Variants in HTT observed in about 807,000 individuals in gnomAD.
HTT encodes huntingtin.
HTT carries 104 observed loss-of-function variants against 362.3 expected under a neutral mutation model. That is an observed-to-expected ratio of 0.29 (90% CI 0.24 to 0.34). The LOEUF (loss-of-function observed/expected upper bound fraction) is 0.34, where lower values mean the gene tolerates loss of function less well. HTT is among the 10% of genes least tolerant of loss of function. The pLI, the probability that HTT is intolerant of heterozygous loss-of-function variation, is 1.00. For missense variants in HTT, 3,301 were observed against 3,928.6 expected, an observed-to-expected ratio of 0.84 and a Z score of 4.27; for synonymous variants, 1,577 against 1,548.7, an observed-to-expected ratio of 1.02 and a Z score of -0.43.
rs762886284 is a variant in HTT, at chr4:3,238,511, G to A, written c.8956G>A (p.Asp2986Asn). 3.7e-6 allele frequency: 6 copies of A among 1,613,366 alleles called. No homozygotes were observed. Among genetic ancestry groups the A allele is most frequent in the Non-Finnish European group, 4.2e-6 (5 of 1,179,658 alleles). Reference sequence around the variant, plus strand: ...CAGGATCCTGCCCCAGTTTCTAGACGACTTCTTCCCACCCCAGGACATCAT... The same window carrying A: ...CAGGATCCTGCCCCAGTTTCTAGACAACTTCTTCCCACCCCAGGACATCAT... Reference protein sequence around the residue: ...VARILPQFLDDFFPPQDIMNK... With the variant: ...VARILPQFLDNFFPPQDIMNK... The change falls in exon 65 of 67, where the codon GAC becomes AAC. Residue 2986 changes from aspartate to asparagine, a missense_variant. This residue lies in a region of HTT where 753 missense variants were observed against 1,021.3 expected (regional missense o/e 0.74). Coordinates refer to ENST00000355072, the MANE Select transcript of HTT (RefSeq NM_001388492.1).
intron 3 of HTT, 29 bp downstream of exon 3, chr4:3,099,423 C>G (rs758001585): frequency 1.2e-6 from 2 of 1,612,290 alleles, no homozygotes; most frequent in Non-Finnish European, 1.7e-6. Flanking sequence ...ATGTTCTCCT[C>G]AGAGCTATCA....
At chr4:3,154,967 G>A (rs1717070264) in intron 27 of HTT, among the ~76,000 whole-genome samples, 1 of 152,090 alleles carries the variant, frequency 6.6e-6, no homozygotes, top group Non-Finnish European at 1.5e-5. Flanking sequence ...CTAGGATTTA[G>A]GTGTGACTGC....
At chr4:3,225,591 G>A in intron 56 of HTT, 70 bp from the exon 57 acceptor site, 1 of 1,391,224 alleles carries the variant, frequency 7.2e-7, no homozygotes, top group Non-Finnish European at 1.0e-6. Flanking sequence ...CAGGAGCTGG[G>A]CTGGTATGGG....
chr4:3,215,197 A>T lies in HTT; in HGVS notation c.7040A>T (p.Asp2347Val), dbSNP rs778966552. Residue 2347 changes from aspartate (D) to valine (V), a missense_variant, in exon 51 of 67, where the codon GAT becomes GTT. Around this residue, in one of 4 missense-constraint regions of HTT, gnomAD observed 220 missense variants for 218.5 expected, o/e 1.01. Transcript: ENST00000355072. ...KAISEEEEEVDPNTQNPKYIT... is the reference protein window; with the variant it reads ...KAISEEEEEVVPNTQNPKYIT... ...ATCAGCGAGGAGGAGGAGGAAGTAGATCCAAACACACAGAGTAAGTCTCAG... is the reference window on the plus strand; with the variant it reads ...ATCAGCGAGGAGGAGGAGGAAGTAGTTCCAAACACACAGAGTAAGTCTCAG... 28 of 1,613,268 alleles carry T rather than the reference A, an allele frequency of 1.7e-5. No individual in the cohort carries two copies. In the South Asian group the frequency reaches 2.9e-4, roughly 16 times the overall value.
At chr4:3,163,162 T>C (rs1404286122) in intron 29 of HTT, among the ~76,000 whole-genome samples, 1 of 152,250 alleles carries the variant, frequency 6.6e-6, no homozygotes, top group East Asian at 1.9e-4. Flanking sequence ...TCAAAGGCCT[T>C]TTCTGCATCT....
intron 29 of HTT, 110 bp downstream of exon 29, chr4:3,160,502 A>T (rs1717387432): frequency 6.8e-6 from 5 of 736,036 alleles, no homozygotes; most frequent in Admixed American, 2.1e-5. Flanking sequence ...CCTCCGGGAG[A>T]CTCCTCCCTG....
chr4:3,096,514 A>G (rs1489878577), intron 2 of HTT, among the ~76,000 whole-genome samples: 1 of 152,228 alleles, frequency 6.6e-6, no homozygotes, highest in Non-Finnish European at 1.5e-5. Flanking sequence ...TATTCAGAGT[A>G]TGTTTTCTGA....
intron 57 of HTT, 58 bp downstream of exon 57, chr4:3,225,801 G>T (rs903659190): frequency 2.8e-5 from 36 of 1,273,938 alleles, no homozygotes; most frequent in Non-Finnish European, 3.6e-5. Flanking sequence ...AGACTTTGGC[G>T]CTTGACACAC....
intron 38 of HTT, among the ~76,000 whole-genome samples, chr4:3,187,016 G>C (rs779326014): frequency 6.6e-6 from 1 of 151,156 alleles, no homozygotes; most frequent in African/African-American, 2.4e-5. Context: ...CCACCACCAC[G>C]CCCGGCTAAT....
In HTT at chr4:3,131,390, A is replaced by G. The variant is rs1257672226; in HGVS notation, c.2091A>G (p.Gly697=). 2 of 1,608,982 alleles carry G rather than the reference A, an allele frequency of 1.2e-6. No individual in the cohort carries two copies. Among genetic ancestry groups the G allele is most frequent in the South Asian group, 1.1e-5 (1 of 90,920 alleles). ...CTGCTTCGTTTTTGCTAACAGGGGG[A>G]AAAAATGGTGAGTACAAAAGGGGAT... ...LLSASFLLTG[G]KNVLVPDRDV... The change falls in exon 15 of 67, where the codon GGA becomes GGG. Residue 697 remains glycine (G), a synonymous_variant. Transcript: ENST00000355072.
intron 4 of HTT, among the ~76,000 whole-genome samples, chr4:3,104,130 T>C (rs1331109326): frequency 6.6e-6 from 1 of 152,010 alleles, no homozygotes; most frequent in Non-Finnish European, 1.5e-5. Context: ...GACAGAGTCT[T>C]GCTTTCACCC....
At chr4:3,162,955 A>G (rs1578551318) in intron 29 of HTT, among the ~76,000 whole-genome samples, 1 of 152,188 alleles carries the variant, frequency 6.6e-6, no homozygotes, top group East Asian at 1.9e-4. Flanking sequence ...AGAACTTCCA[A>G]TACTATGTTG....
chr4:3,177,407 T>G lies in HTT; in HGVS notation c.4463+20T>G. The stretch of plus-strand genomic sequence containing the variant: ...GTTCAGGTAATAGCATTTTATTATT[T>G]TAGATTTTTTTCTTCTTCTTGTGTA... On this transcript the variant is annotated intron_variant, in intron 34 of 66. Coordinates refer to ENST00000355072, the MANE Select transcript of HTT (RefSeq NM_001388492.1). 1 of 1,516,520 alleles carries G rather than the reference T, an allele frequency of 6.6e-7. No homozygotes were observed. Among genetic ancestry groups the G allele is most frequent in the South Asian group, 1.2e-5 (1 of 80,758 alleles). 93.9% of individuals were successfully genotyped at this position (1,516,520 alleles called of 1,614,324 possible). A position where few individuals can be genotyped will look rare whatever the true frequency, so the allele number is the denominator to read the frequency against.
At chr4:3,237,085 C>A (rs1487808687) in intron 64 of HTT, among the ~76,000 whole-genome samples, 1 of 150,410 alleles carries the variant, frequency 6.6e-6, no homozygotes, top group African/African-American at 2.4e-5. Flanking sequence ...TTTTTCTTTT[C>A]TTTTTGAGAT....
At position 3,160,370 on chromosome 4, in the gene HTT, C is replaced by T. The variant is rs1286916370; in HGVS notation, c.3842C>T (p.Ala1281Val). The T allele has an allele frequency of 6.4e-7, 1 of 1,553,082 alleles. No individual in the cohort carries two copies. Among genetic ancestry groups the T allele is most frequent in the Non-Finnish European group, 8.7e-7 (1 of 1,146,406 alleles). ...LDVLSQILEL[A>V]TLQDIGKCVE... ...GTTCTTTCTCAGATACTAGAGCTGG[C>T]CACACTGCAGGACATTGGGAAGGTT... The change falls in exon 29 of 67, where the codon GCC becomes GTC. Residue 1281 changes from alanine to valine, a missense_variant. By Grantham distance (64) the Ala-to-Val change is moderately conservative. Coordinates refer to ENST00000355072, the MANE Select transcript of HTT (RefSeq NM_001388492.1).
Position 3,180,509 on chromosome 4 carries a change from C to T in HTT, c.4613-6C>T. ...GCCTGATAAGGGTACCCTTTTGTCC[C>T]CACAGCCATACCGGCTCTGCAGCCC... is the stretch of plus-strand genomic sequence containing the variant. On this transcript the variant is annotated splice_polypyrimidine_tract_variant and splice_region_variant and intron_variant, in intron 35 of 66. Transcript: ENST00000355072. The T allele has an allele frequency of 6.3e-7, 1 of 1,591,438 alleles. No homozygotes were observed. Among genetic ancestry groups the T allele is most frequent in the East Asian group, 2.3e-5 (1 of 43,908 alleles).
At chr4:3,181,399 A>T (rs1320296695) in intron 36 of HTT, among the ~76,000 whole-genome samples, 1 of 152,224 alleles carries the variant, frequency 6.6e-6, no homozygotes, top group Non-Finnish European at 1.5e-5. Context: ...CTATTTTGAC[A>T]TAGGGCTAAG....
intron 42 of HTT, among the ~76,000 whole-genome samples, chr4:3,205,983 A>G (rs150124544): frequency 6.6e-6 from 1 of 152,232 alleles, no homozygotes; most frequent in Non-Finnish European, 1.5e-5. Flanking sequence ...GGATCCATTC[A>G]TATTTTGGAT....
Position 3,229,895 on chromosome 4 carries a change from G to C in HTT, c.8118G>C (p.Val2706=), listed in dbSNP as rs142891110. ...LISEVVRSLL[V]VSDLFTERNQ... is the part of the protein sequence containing the mutation. ...GTTTTCCACATCTCCAGCTTCTAGT[G>C]GTCTCAGACTTGTTCACCGAGCGCA... Residue 2706 remains valine, a synonymous_variant, in exon 60 of 67, where the codon GTG becomes GTC. Coordinates refer to ENST00000355072, the MANE Select transcript of HTT (RefSeq NM_001388492.1). 4.3e-6 allele frequency: 7 copies of C among 1,614,126 alleles called. No individual in the cohort carries two copies. The East Asian group carries it at 1.6e-4, about 36-fold the overall frequency.
Sources: gnomAD v4.1 joint callset for allele counts (sites outside exome capture counted in the v4.1 genomes callset) on GRCh38, gnomAD v4.1.1 for gene constraint, gnomAD v4.1.1 regional missense constraint, MANE v1.5 for transcripts, NCBI Gene and HGNC (gene_info 2026-07-23, HGNC 2026-07-21) for gene names.